CTTNBP2: variants seen among roughly 807,000 people sequenced by gnomAD.
CTTNBP2 encodes the protein cortactin binding protein 2, also known as cortactin-binding protein 2.
A neutral mutation model predicts 156.9 loss-of-function variants in CTTNBP2; 108 were observed. The ratio of observed to expected loss-of-function variants is 0.69; its 90% CI spans 0.59 to 0.81. The LOEUF is 0.81. Ranked by LOEUF, CTTNBP2 falls within the 30% of genes least tolerant of loss-of-function variation. The pLI is 0.00. For synonymous variants in CTTNBP2, 767 were observed against 751.8 expected (o/e 1.02, Z -0.33); for missense variants, 1,924 against 2,035.4 (o/e 0.95, Z 1.05).
intron 11 of CTTNBP2, among the ~76,000 whole-genome samples, chr7:117,757,105 T>C (rs558367362): frequency 6.6e-6 from 1 of 152,326 alleles, no homozygotes; most frequent in East Asian, 1.9e-4. Flanking sequence ...TCTCAATACA[T>C]TGTTTGGGCC....
intron 14 of CTTNBP2, 102 bp from the exon 15 acceptor site, chr7:117,735,523 G>A (rs1175532573): frequency 3.2e-6 from 3 of 946,880 alleles, no homozygotes; most frequent in Non-Finnish European, 4.8e-6. Flanking sequence ...TAGCAAAGAT[G>A]TGGTATAATG....
chr7:117,763,452 C>G (rs1797310292), intron 9 of CTTNBP2, among the ~76,000 whole-genome samples: 1 of 151,970 alleles, frequency 6.6e-6, no homozygotes, highest in Non-Finnish European at 1.5e-5. Context: ...TCTTTTTAAT[C>G]CTTATAGTCT....
intron 3 of CTTNBP2, among the ~76,000 whole-genome samples, chr7:117,802,455 A>T (rs1049656941): frequency 1.4e-4 from 20 of 143,606 alleles, no homozygotes; most frequent in Non-Finnish European, 2.8e-4. Flanking sequence ...AAAAAAAAAA[A>T]AACAAAAACA....
chr7:117,797,166 C>T (rs1488921217), intron 3 of CTTNBP2, among the ~76,000 whole-genome samples: 2 of 152,102 alleles, frequency 1.3e-5, no homozygotes, highest in Non-Finnish European at 2.9e-5. Flanking sequence ...ACTGAGGTTG[C>T]CACGGTTTAC....
At chr7:117,776,583 T>A (rs35024777) in intron 8 of CTTNBP2, among the ~76,000 whole-genome samples, 1 of 152,166 alleles carries the variant, frequency 6.6e-6, no homozygotes, top group Non-Finnish European at 1.5e-5. Context: ...TCCTTTCACC[T>A]GAACCACTCT....
chr7:117,751,921 T>A (rs1796639243), intron 12 of CTTNBP2, among the ~76,000 whole-genome samples: 3 of 152,212 alleles, frequency 2.0e-5, no homozygotes, highest in African/African-American at 7.2e-5. Context: ...CCACTATTGC[T>A]GTGGAAGTCA....
At position 117,798,915 on chromosome 7, in the gene CTTNBP2, CTT is replaced by C. The variant is rs1008729924; in HGVS notation, c.415-6136_415-6135del. On this transcript the variant is annotated intron_variant, in intron 3 of 22. Transcript: ENST00000160373. ...GATTAAAGAAATATTAAAAGGATAA[CTT>C]TGTGCCAATAAGTTCAATAAATTAA... is the stretch of plus-strand genomic sequence containing the variant. Among the ~76,000 whole-genome samples the C allele has an allele frequency of 5.0e-4, 76 of 151,932 alleles. 1 individual carries two copies. The highest frequency in any genetic ancestry group is 1.6e-3 in the African/African-American group (68 of 41,508).
chr7:117,806,762 T>TA (rs1799974641), intron 3 of CTTNBP2, among the ~76,000 whole-genome samples: 4 of 149,986 alleles, frequency 2.7e-5, no homozygotes, highest in Non-Finnish European at 3.0e-5. Context: ...TTTTTTTTTT[T>TA]TTTTTTTTTA....
At chr7:117,797,773 G>T (rs948122949) in intron 3 of CTTNBP2, among the ~76,000 whole-genome samples, 3 of 152,108 alleles carry the variant, frequency 2.0e-5, no homozygotes, top group African/African-American at 7.2e-5. Flanking sequence ...TAGAAAAAAA[G>T]ATTGAAAACA....
intron 6 of CTTNBP2, 87 bp downstream of exon 6, chr7:117,782,773 TAC>T (rs1798499927): frequency 2.5e-6 from 2 of 789,754 alleles, no homozygotes; most frequent in Non-Finnish European, 4.2e-6. Flanking sequence ...AGCACTAGTT[TAC>T]ACATTCAGCC....
intron 19 of CTTNBP2, among the ~76,000 whole-genome samples, chr7:117,721,448 C>T (rs1794786626): frequency 6.6e-6 from 1 of 152,132 alleles, no homozygotes; most frequent in African/African-American, 2.4e-5. Flanking sequence ...TAGTCAAGTC[C>T]CTAGTTCCTT....
chr7:117,817,350 A>T (rs1242176670), intron 2 of CTTNBP2, among the ~76,000 whole-genome samples: 1,427 of 55,202 alleles, frequency 0.026, 319 homozygotes, highest in East Asian at 0.14. Flanking sequence ...AAAAAAAAAA[A>T]AAAAAAAAAA....
At chr7:117,798,638 C>T (rs1292199980) in intron 3 of CTTNBP2, among the ~76,000 whole-genome samples, 1 of 152,036 alleles carries the variant, frequency 6.6e-6, no homozygotes, top group Non-Finnish European at 1.5e-5. Context: ...TTTAGAAGAG[C>T]TGCCTCAAAT....
intron 12 of CTTNBP2, among the ~76,000 whole-genome samples, chr7:117,751,053 T>C (rs2116592613): frequency 6.6e-6 from 1 of 152,334 alleles, no homozygotes; most frequent in Non-Finnish European, 1.5e-5. Context: ...CACAGACTAT[T>C]CAGGAAGCTC....
chr7:117,720,684 C>T (rs1320579892), intron 20 of CTTNBP2, among the ~76,000 whole-genome samples: 3 of 152,090 alleles, frequency 2.0e-5, no homozygotes, highest in African/African-American at 7.2e-5. Context: ...GAGAGCAAGA[C>T]TCTGTCTCCA....
intron 12 of CTTNBP2, among the ~76,000 whole-genome samples, chr7:117,749,339 T>G (rs1424188997): frequency 6.6e-6 from 1 of 152,192 alleles, no homozygotes; most frequent in African/African-American, 2.4e-5. Flanking sequence ...AGTGGGTGGA[T>G]GAAAACTTGG....
chr7:117,791,083 G>A, intron 4 of CTTNBP2, 45 bp downstream of exon 4: 2 of 1,479,076 alleles, frequency 1.4e-6, no homozygotes, highest in Non-Finnish European at 1.8e-6. Context: ...AGTGAGAAGA[G>A]AGGCCATATT....
chr7:117,763,934 A>T (rs1031312107), intron 9 of CTTNBP2, among the ~76,000 whole-genome samples: 2 of 151,820 alleles, frequency 1.3e-5, no homozygotes, highest in African/African-American at 2.4e-5. Flanking sequence ...GGTCATTTTT[A>T]AAAAATATTT....
At chr7:117,781,697 C>T (rs1271459442) in intron 6 of CTTNBP2, among the ~76,000 whole-genome samples, 1 of 152,144 alleles carries the variant, frequency 6.6e-6, no homozygotes, top group Non-Finnish European at 1.5e-5. Context: ...GAGATTGCAC[C>T]ACTATACTCC....
Sources: gnomAD v4.1 joint callset for allele counts (sites outside exome capture counted in the v4.1 genomes callset) on GRCh38, gnomAD v4.1.1 for gene constraint, MANE v1.5 for transcripts, NCBI Gene and HGNC (gene_info 2026-07-23, HGNC 2026-07-21) for gene names.